The following RAD54L2 variants were observed in gnomAD, a reference collection of about 807,000 sequenced individuals.
RAD54L2 encodes the protein helicase ARIP4.
Under a neutral mutation model 138.4 loss-of-function variants are expected in RAD54L2, and 27 were observed. The observed-to-expected ratio is 0.20, with a 90% confidence interval of 0.14 to 0.27. The LOEUF (loss-of-function observed/expected upper bound fraction) is 0.27. RAD54L2 is among the 10% of genes least tolerant of loss of function. The pLI is 1.00. For missense variants in RAD54L2, 1,396 were observed against 1,890.2 expected, an observed-to-expected ratio of 0.74 and a Z score of 4.85; for synonymous variants, 644 against 723.2, an observed-to-expected ratio of 0.89 and a Z score of 1.76.
chr3:51,627,856 T>C, intron 4 of RAD54L2, 102 bp downstream of exon 4: 2 of 1,334,036 alleles, frequency 1.5e-6, no homozygotes, highest in Non-Finnish European at 2.1e-6. Context: ...AGGACAGTTC[T>C]CTCTCCAAAG....
intron 2 of RAD54L2, among the ~76,000 whole-genome samples, chr3:51,570,390 C>T (rs1699313727): frequency 6.6e-6 from 1 of 151,708 alleles, no homozygotes; most frequent in Non-Finnish European, 1.5e-5. Context: ...GATCCACCTG[C>T]CTCGGCCTCC....
intron 2 of RAD54L2, among the ~76,000 whole-genome samples, chr3:51,569,931 C>G (rs1217818802): frequency 6.6e-6 from 1 of 151,794 alleles, no homozygotes; most frequent in Non-Finnish European, 1.5e-5. Flanking sequence ...ACTCCCTGGG[C>G]TCAAAATACT....
intron 3 of RAD54L2, among the ~76,000 whole-genome samples, chr3:51,612,927 G>T (rs1700362252): frequency 6.6e-6 from 1 of 151,984 alleles, no homozygotes. Flanking sequence ...AGTAGAAAAG[G>T]CATGTACTTT....
chr3:51,550,224 A>T lies in RAD54L2; in HGVS notation c.-55+8574A>T, dbSNP rs182896532. Among the ~76,000 whole-genome samples, 19 of 152,180 alleles carry T rather than the reference A, an allele frequency of 1.2e-4. No homozygotes were observed. In the East Asian group the frequency reaches 3.7e-3, roughly 29 times the overall value. ...CCCATTTCCTATAGCAGCTGTTTACATGTTTCCCAAAGGTGCCTTTCCCCC... is the reference window on the plus strand; with the variant it reads ...CCCATTTCCTATAGCAGCTGTTTACTTGTTTCCCAAAGGTGCCTTTCCCCC... On this transcript the variant is annotated intron_variant, in intron 2 of 22. Transcript: ENST00000684192.
intron 2 of RAD54L2, among the ~76,000 whole-genome samples, chr3:51,589,713 C>T (rs937316990): frequency 1.3e-5 from 2 of 150,928 alleles, no homozygotes; most frequent in East Asian, 1.9e-4. Context: ...CACACATACA[C>T]ACACATATAT....
At chr3:51,660,455 C>T (rs1267012642) in intron 22 of RAD54L2, among the ~76,000 whole-genome samples, 1 of 151,336 alleles carries the variant, frequency 6.6e-6, no homozygotes, top group East Asian at 1.9e-4. Context: ...ACTACAGGCG[C>T]CCGCCACCAC....
chr3:51,588,650 A>T (rs926368365), intron 2 of RAD54L2, among the ~76,000 whole-genome samples: 1 of 152,056 alleles, frequency 6.6e-6, no homozygotes, highest in African/African-American at 2.4e-5. Flanking sequence ...CAAAGAGCTA[A>T]CCCAACTAGC....
rs1274337421 is a variant in RAD54L2 at position 51,582,586 on chromosome 3, C to T, written c.-54-7781C>T. ...CTACCCTCCACCCCCCACAACTCTG[C>T]CTTTTTTTTTTTTTTCCTGCTGGCC... On this transcript the variant is annotated intron_variant, in intron 2 of 22. Coordinates refer to ENST00000684192, the MANE Select transcript of RAD54L2 (RefSeq NM_015106.4). Among the ~76,000 whole-genome samples, 8 of 151,006 alleles carry T rather than the reference C, an allele frequency of 5.3e-5. No individual in the cohort carries two copies. The East Asian group carries it at 1.2e-3, about 22-fold the overall frequency.
At chr3:51,646,593 A>G in intron 19 of RAD54L2, 112 bp downstream of exon 19, 1 of 1,127,328 alleles carries the variant, frequency 8.9e-7, no homozygotes, top group South Asian at 1.7e-5. Context: ...ACTGCTGTGA[A>G]TTGACAGGCT....
intron 2 of RAD54L2, among the ~76,000 whole-genome samples, chr3:51,580,610 AG>A (rs1699584948): frequency 6.6e-6 from 1 of 152,130 alleles, no homozygotes; most frequent in Non-Finnish European, 1.5e-5. Flanking sequence ...TGTGATCAAA[AG>A]GGGCTGATTA....
rs763091435 is a variant in RAD54L2 at position 51,664,259 on chromosome 3, A to G, written c.*839A>G. 5 of 152,152 alleles carry G rather than the reference A, an allele frequency of 3.3e-5. No homozygotes were observed. The highest frequency in any genetic ancestry group is 7.2e-5 in the African/African-American group (3 of 41,428). The allele number at this position is 152,152 out of a possible 1,614,324, so 9.4% of individuals were successfully genotyped here. ...TCATGAGAGAAAATGGGCATTACCA[A>G]TCTATGTCTCTTAACCCCGGTGGCT... On this transcript the variant is annotated 3_prime_UTR_variant, in exon 23 of 23. Coordinates refer to ENST00000684192, the MANE Select transcript of RAD54L2 (RefSeq NM_015106.4).
chr3:51,652,337 C>T (rs142785681), intron 19 of RAD54L2, among the ~76,000 whole-genome samples: 3 of 152,250 alleles, frequency 2.0e-5, no homozygotes, highest in Non-Finnish European at 4.4e-5. Flanking sequence ...GAATCAACAT[C>T]GTGAAAATGG....
rs114709836 is a variant in RAD54L2 at position 51,580,871 on chromosome 3, A to G, written c.-54-9496A>G. Among the ~76,000 whole-genome samples, 416 of 152,310 alleles carry G rather than the reference A, an allele frequency of 2.7e-3. 1 individual carries two copies. The highest frequency in any genetic ancestry group is 9.3e-3 in the African/African-American group (387 of 41,562). ...GCAAAGTCACAGTGGAAAAGCGTTAATAACCATCCAAATGCAATAATATTA... is the reference window on the plus strand; with the variant it reads ...GCAAAGTCACAGTGGAAAAGCGTTAGTAACCATCCAAATGCAATAATATTA... On this transcript the variant is annotated intron_variant, in intron 2 of 22. Transcript: ENST00000684192.
At position 51,628,395 on chromosome 3, in the gene RAD54L2, T is replaced by A. The variant is rs141343190; in HGVS notation, c.341+641T>A. 3.3e-3 allele frequency among the ~76,000 whole-genome samples: 505 copies of A among 152,210 alleles called. 5 individuals carry two copies. Among genetic ancestry groups the A allele is most frequent in the Middle Eastern group, 0.017 (5 of 294 alleles). ...GTTTCTTTTCTTTTCTTAATTTATT[T>A]ATTTATTTTTTTTGAGATAAAGTCT... is the stretch of plus-strand genomic sequence containing the variant. On this transcript the variant is annotated intron_variant, in intron 4 of 22. Transcript: ENST00000684192.
intron 2 of RAD54L2, among the ~76,000 whole-genome samples, chr3:51,588,534 C>CAAA (rs71633079): frequency 1.2e-4 from 6 of 49,416 alleles, no homozygotes; most frequent in Non-Finnish European, 1.7e-4. Flanking sequence ...AACTGCATCT[C>CAAA]AAAAAAAAAA....
chr3:51,651,797 A>C (rs1701445671), intron 19 of RAD54L2, among the ~76,000 whole-genome samples: 2 of 152,210 alleles, frequency 1.3e-5, no homozygotes, highest in Non-Finnish European at 2.9e-5. Context: ...CAAAATAATA[A>C]GAGCTATTTG....
intron 2 of RAD54L2, among the ~76,000 whole-genome samples, chr3:51,580,682 T>C (rs1699586005): frequency 6.6e-6 from 1 of 152,158 alleles, no homozygotes; most frequent in African/African-American, 2.4e-5. Context: ...AGTTCTGTGC[T>C]GGGAACCTGG....
At chr3:51,581,126 G>A (rs1370468911) in intron 2 of RAD54L2, among the ~76,000 whole-genome samples, 2 of 151,994 alleles carry the variant, frequency 1.3e-5, no homozygotes, top group African/African-American at 4.8e-5. Flanking sequence ...TATTATTAAC[G>A]AGACTCTGTC....
chr3:51,617,116 A>G (rs1165896491), intron 3 of RAD54L2, among the ~76,000 whole-genome samples: 2 of 152,120 alleles, frequency 1.3e-5, no homozygotes, highest in Non-Finnish European at 2.9e-5. Context: ...AAACTTGTTT[A>G]TCCATTCATC....
Sources: gnomAD v4.1 joint callset for allele counts (sites outside exome capture counted in the v4.1 genomes callset) on GRCh38, gnomAD v4.1.1 for gene constraint, MANE v1.5 for transcripts, NCBI Gene and HGNC (gene_info 2026-07-23, HGNC 2026-07-21) for gene names.